The following GPC3 variants were observed in gnomAD, a reference collection of about 807,000 sequenced individuals.
The protein encoded by GPC3 is glypican 3.
Under a neutral mutation model 34.4 loss-of-function variants are expected in GPC3, and 3 were observed. The observed-to-expected ratio is 0.09, with a 90% confidence interval of 0.04 to 0.23. The LOEUF is 0.23. Among genes scored for constraint, GPC3 ranks in the 10% least tolerant of loss-of-function variants. The pLI is 1.00. For missense variants in GPC3, 351 were observed against 445.6 expected (o/e 0.79, Z 1.91); for synonymous variants, 177 against 174.0 (o/e 1.02, Z -0.13).
intron 5 of GPC3, among the ~76,000 whole-genome samples, chrX:133,669,874 T>C (rs2070810271): frequency 8.9e-6 from 1 of 111,878 alleles, no homozygotes; most frequent in Non-Finnish European, 1.9e-5. Context: ...GGTAACTGTT[T>C]AGCACAAAGA....
At chrX:133,975,617 T>C (rs2076511529) in intron 1 of GPC3, among the ~76,000 whole-genome samples, 1 of 111,721 alleles carries the variant, frequency 9.0e-6, no homozygotes. Flanking sequence ...TCATGCTGCC[T>C]TGGCATCTAT....
At chrX:133,973,347 A>C (rs2085937261) in intron 1 of GPC3, among the ~76,000 whole-genome samples, 1 of 112,671 alleles carries the variant, frequency 8.9e-6, no homozygotes, top group Non-Finnish European at 1.9e-5. Context: ...TCATCTGTAA[A>C]ATGGAGCTGA....
At chrX:133,739,899 G>A (rs1283702432) in intron 3 of GPC3, among the ~76,000 whole-genome samples, 1 of 110,804 alleles carries the variant, frequency 9.0e-6, no homozygotes, top group African/African-American at 3.3e-5. Flanking sequence ...TTAAAAAACA[G>A]AGAGAGAGAA....
At chrX:133,942,500 A>T (rs1408208830) in intron 2 of GPC3, among the ~76,000 whole-genome samples, 1 of 112,021 alleles carries the variant, frequency 8.9e-6, no homozygotes, top group East Asian at 2.8e-4. Flanking sequence ...ACATGGAAAG[A>T]TGGCTATATG....
chrX:133,768,118 A>G (rs954200348), intron 2 of GPC3, among the ~76,000 whole-genome samples: 6 of 109,684 alleles, frequency 5.5e-5, no homozygotes, highest in Non-Finnish European at 9.4e-5. Context: ...GAGGCACTAA[A>G]GCAACCATGT....
intron 3 of GPC3, among the ~76,000 whole-genome samples, chrX:133,740,160 G>A (rs906884639): frequency 8.9e-6 from 1 of 111,808 alleles, no homozygotes; most frequent in East Asian, 2.8e-4. Context: ...TTCTGAATGG[G>A]GCCTTTCAGA....
chrX:133,560,460 C>T (rs953525019), intron 7 of GPC3, among the ~76,000 whole-genome samples: 3 of 112,385 alleles, frequency 2.7e-5, no homozygotes, highest in Admixed American at 9.4e-5. Flanking sequence ...CTATTTTGGC[C>T]GGGCATGGTG....
At position 133,786,772 on chromosome X, in the gene GPC3, C is replaced by T. The variant is rs1335274907; in HGVS notation, c.338-32596G>A. Among the ~76,000 whole-genome samples, 2 of 111,354 alleles carry T rather than the reference C, an allele frequency of 1.8e-5. 1 individual carries two copies. The highest frequency in any genetic ancestry group is 3.8e-5 in the Non-Finnish European group (2 of 53,101). ...TTTTTTTTTCTTTTTTTCCTTTTCG[C>T]CCAATAAAATTCTGATCTACTCACC... On this transcript the variant is annotated intron_variant, in intron 2 of 7. Transcript: ENST00000370818.
At chrX:133,778,026 T>C (rs2072005498) in intron 2 of GPC3, among the ~76,000 whole-genome samples, 1 of 112,413 alleles carries the variant, frequency 8.9e-6, no homozygotes, top group African/African-American at 3.2e-5. Context: ...AAACCTTGTT[T>C]TGTAAAGAAC....
At chrX:133,961,390 C>A (rs1359531808) in intron 1 of GPC3, among the ~76,000 whole-genome samples, 1 of 111,572 alleles carries the variant, frequency 9.0e-6, no homozygotes, top group Non-Finnish European at 1.9e-5. Context: ...GAAAGAATTA[C>A]CTTTATCTCT....
At chrX:133,620,905 G>A (rs1197848794) in intron 6 of GPC3, among the ~76,000 whole-genome samples, 1 of 111,277 alleles carries the variant, frequency 9.0e-6, no homozygotes, top group Non-Finnish European at 1.9e-5. Context: ...CCAAACCAAT[G>A]TACATCTTAC....
At chrX:133,588,044 C>T (rs1019380777) in intron 7 of GPC3, among the ~76,000 whole-genome samples, 8 of 111,376 alleles carry the variant, frequency 7.2e-5, no homozygotes, top group African/African-American at 2.3e-4. Context: ...CAGTGGATGA[C>T]GTGGGGTCGC....
chrX:133,671,801 C>T (rs923772953), intron 5 of GPC3, among the ~76,000 whole-genome samples: 2 of 111,354 alleles, frequency 1.8e-5, no homozygotes, highest in African/African-American at 3.3e-5. Context: ...GCTATCCTTC[C>T]CCCATTCCCC....
intron 2 of GPC3, among the ~76,000 whole-genome samples, chrX:133,847,907 A>C (rs138911485): frequency 0.014 from 1,550 of 112,372 alleles, 28 homozygotes; most frequent in African/African-American, 0.047. Context: ...ACTATTTAGA[A>C]GAGACAAAAG....
chrX:133,554,845 C>T (rs1569380808), intron 7 of GPC3, among the ~76,000 whole-genome samples: 1 of 112,061 alleles, frequency 8.9e-6, no homozygotes, highest in East Asian at 2.8e-4. Flanking sequence ...CTTGCCATTA[C>T]TCCATTCATG....
At chrX:133,893,626 T>C (rs1009261) in intron 2 of GPC3, among the ~76,000 whole-genome samples, 3,438 of 111,034 alleles carry the variant, frequency 0.031, 134 homozygotes, top group African/African-American at 0.11. Context: ...GTAGCATTCT[T>C]ACAGGGAAGA....
chrX:133,750,347 T>TA (rs2071654068), intron 3 of GPC3, among the ~76,000 whole-genome samples: 1 of 112,488 alleles, frequency 8.9e-6, no homozygotes, highest in African/African-American at 3.2e-5. Context: ...TAGGGGGGTC[T>TA]AAGCGGGGAC....
chrX:133,957,958 G>GA (rs1036442231), intron 1 of GPC3, among the ~76,000 whole-genome samples: 6 of 111,501 alleles, frequency 5.4e-5, no homozygotes, highest in African/African-American at 1.6e-4. Flanking sequence ...AAATGAGCCA[G>GA]AAAGGTTCAG....
intron 7 of GPC3, among the ~76,000 whole-genome samples, chrX:133,564,542 G>A (rs2069566783): frequency 9.0e-6 from 1 of 111,589 alleles, no homozygotes. Flanking sequence ...GAGAGAGGTG[G>A]GTGGTGTGGT....
Sources: allele counts gnomAD v4.1 joint callset (sites outside exome capture counted in the v4.1 genomes callset), GRCh38; gene constraint gnomAD v4.1.1; transcripts MANE v1.5; gene names NCBI Gene and HGNC (gene_info 2026-07-23, HGNC 2026-07-21).